The following WDR7 variants were observed in gnomAD, a reference collection of about 807,000 sequenced individuals.
The protein encoded by WDR7 is WD repeat domain 7, also known as WD repeat-containing protein 7.
Under a neutral mutation model 169.4 loss-of-function variants are expected in WDR7, and 46 were observed. The observed-to-expected ratio is 0.27, with a 90% CI of 0.21 to 0.35. WDR7 has a LOEUF of 0.35. Among genes scored for constraint, WDR7 ranks in the 10% least tolerant of loss-of-function variants. The pLI is 1.00. For synonymous variants in WDR7, 612 were observed against 666.8 expected (o/e 0.92, Z 1.27); for missense variants, 1,534 against 1,859.3 (o/e 0.83, Z 3.22).
intron 21 of WDR7, among the ~76,000 whole-genome samples, chr18:56,895,100 A>G (rs1022342702): frequency 2.0e-5 from 3 of 151,874 alleles, no homozygotes; most frequent in African/African-American, 7.3e-5. Flanking sequence ...AACAAGTAGC[A>G]TGTTAATGGT....
At chr18:56,753,526 T>C (rs1231437871) in intron 14 of WDR7, among the ~76,000 whole-genome samples, 4 of 152,168 alleles carry the variant, frequency 2.6e-5, no homozygotes, top group Non-Finnish European at 5.9e-5. Context: ...ATAGTAGACA[T>C]AAAATGTTGT....
At chr18:56,788,942 A>G (rs10460118) in intron 19 of WDR7, among the ~76,000 whole-genome samples, 87,076 of 151,984 alleles carry the variant, frequency 0.57, 26,260 homozygotes, top group East Asian at 0.69. Context: ...TCTAAGACAA[A>G]CTATATTATG....
At chr18:56,927,624 G>A (rs1282800105) in intron 22 of WDR7, among the ~76,000 whole-genome samples, 2 of 151,852 alleles carry the variant, frequency 1.3e-5, no homozygotes, top group Non-Finnish European at 2.9e-5. Flanking sequence ...AAAAAAAATA[G>A]AGTATTTTTC....
chr18:56,984,260 A>G (rs1395796792), intron 26 of WDR7, among the ~76,000 whole-genome samples: 1 of 152,348 alleles, frequency 6.6e-6, no homozygotes, highest in East Asian at 1.9e-4. Context: ...TAATAAATCA[A>G]CATATTCCTA....
chr18:56,750,807 A>G (rs527323976), intron 14 of WDR7, among the ~76,000 whole-genome samples: 1 of 152,336 alleles, frequency 6.6e-6, no homozygotes, highest in East Asian at 1.9e-4. Flanking sequence ...ACAATATCAG[A>G]CATGTTGGTG....
chr18:56,945,342 C>G (rs575366004), intron 25 of WDR7, among the ~76,000 whole-genome samples: 45 of 152,244 alleles, frequency 3.0e-4, no homozygotes, highest in Admixed American at 7.2e-4. Flanking sequence ...CAATTCGTGT[C>G]CAACTCTATA....
intron 4 of WDR7, among the ~76,000 whole-genome samples, chr18:56,681,774 C>T (rs2025354900): frequency 6.6e-6 from 1 of 152,148 alleles, no homozygotes; most frequent in African/African-American, 2.4e-5. Context: ...ACTTTTTGGA[C>T]CATATCTTTT....
chr18:56,912,145 A>C (rs2046561384), intron 21 of WDR7, among the ~76,000 whole-genome samples: 1 of 152,182 alleles, frequency 6.6e-6, no homozygotes, highest in African/African-American at 2.4e-5. Flanking sequence ...GAGTGAGTGA[A>C]GCTGGAGTGT....
intron 12 of WDR7, among the ~76,000 whole-genome samples, chr18:56,700,252 C>CTTTTTTTTTTTTTTTTTTTTTTTTTT (rs1226348026): frequency 3.0e-5 from 2 of 67,238 alleles, no homozygotes; most frequent in Non-Finnish European, 2.5e-5. Flanking sequence ...TTTTCATTTT[C>CTTTTTTTTTTTTTTTTTTTTTTTTTT]TTTTTTTTTT....
chr18:56,730,455 G>T (rs1009041436), intron 13 of WDR7, among the ~76,000 whole-genome samples: 1 of 152,142 alleles, frequency 6.6e-6, no homozygotes, highest in African/African-American at 2.4e-5. Flanking sequence ...AGAAAGGATA[G>T]CCAAATAAAG....
chr18:56,845,004 G>A (rs2045546274), intron 20 of WDR7, among the ~76,000 whole-genome samples: 1 of 152,134 alleles, frequency 6.6e-6, no homozygotes, highest in Non-Finnish European at 1.5e-5. Context: ...TTTATCATAT[G>A]TATGTATAGG....
intron 21 of WDR7, among the ~76,000 whole-genome samples, chr18:56,887,003 GATAGC>G (rs2046205812): frequency 6.6e-6 from 1 of 151,910 alleles, no homozygotes; most frequent in Admixed American, 6.6e-5. Context: ...TAAGAAATGA[GATAGC>G]AACACAATAA....
chr18:56,959,436 T>G (rs2047305374), intron 25 of WDR7, among the ~76,000 whole-genome samples: 1 of 152,168 alleles, frequency 6.6e-6, no homozygotes, highest in African/African-American at 2.4e-5. Context: ...TCCACTTGAT[T>G]CTTCTTTCAC....
intron 16 of WDR7, among the ~76,000 whole-genome samples, chr18:56,775,712 C>T (rs1027086615): frequency 3.3e-5 from 5 of 151,962 alleles, no homozygotes; most frequent in Admixed American, 6.6e-5. Context: ...TCTTTTCGTT[C>T]TACTGTTTAC....
intron 20 of WDR7, 121 bp from the exon 21 acceptor site, chr18:56,879,823 C>T (rs1358884632): frequency 6.9e-6 from 5 of 727,568 alleles, no homozygotes; most frequent in Non-Finnish European, 1.1e-5. Context: ...ACCATTTGTC[C>T]TAGTGCCATT....
chr18:56,911,605 T>G (rs1431890234), intron 21 of WDR7, among the ~76,000 whole-genome samples: 5 of 152,330 alleles, frequency 3.3e-5, no homozygotes, highest in Non-Finnish European at 4.4e-5. Flanking sequence ...CATACTTATC[T>G]GGGGTCTTTG....
intron 19 of WDR7, among the ~76,000 whole-genome samples, chr18:56,814,899 C>T (rs1188062945): frequency 6.6e-6 from 1 of 151,930 alleles, no homozygotes; most frequent in African/African-American, 2.4e-5. Context: ...TTTAAAGCAA[C>T]TCTGAATAAG....
chr18:56,863,966 A>G (rs2145418240), intron 20 of WDR7, among the ~76,000 whole-genome samples: 1 of 151,926 alleles, frequency 6.6e-6, no homozygotes, highest in South Asian at 2.1e-4. Context: ...ATGATCTGTG[A>G]TGAGTTTTGG....
At chr18:56,710,490 ATTTAC>A (rs1006302859) in intron 12 of WDR7, among the ~76,000 whole-genome samples, 4 of 152,156 alleles carry the variant, frequency 2.6e-5, no homozygotes, top group African/African-American at 9.7e-5. Context: ...AGCATACCAT[ATTTAC>A]TTAGCAATTC....
Sources: gnomAD v4.1 joint callset for allele counts (sites outside exome capture counted in the v4.1 genomes callset) on GRCh38, gnomAD v4.1.1 for gene constraint, MANE v1.5 for transcripts, NCBI Gene and HGNC (gene_info 2026-07-23, HGNC 2026-07-21) for gene names.